Variants in TCEA1 observed in about 807,000 individuals in gnomAD.
TCEA1 encodes transcription elongation factor A protein 1.
In TCEA1, 21 loss-of-function variants were observed where a neutral mutation model predicts 43.8. The ratio of observed to expected loss-of-function variants is 0.48; its 90% CI spans 0.34 to 0.69. The LOEUF is 0.69. Ranked by LOEUF, TCEA1 falls within the 30% of genes least tolerant of loss-of-function variation. The pLI is 0.01. For missense variants in TCEA1, 250 were observed against 365.1 expected (o/e 0.68, Z 2.57); for synonymous variants, 104 against 117.5 (o/e 0.88, Z 0.75).
chr8:53,980,245 T>C (rs1803461741), intron 7 of TCEA1, among the ~76,000 whole-genome samples: 1 of 152,228 alleles, frequency 6.6e-6, no homozygotes, highest in Non-Finnish European at 1.5e-5. Context: ...GAATGCCTGA[T>C]TCCAGTTTTG....
At chr8:53,978,776 T>C (rs1585993190) in intron 8 of TCEA1, 1 of 372,156 alleles carries the variant, frequency 2.7e-6, no homozygotes, top group Non-Finnish European at 4.8e-6. Flanking sequence ...GATTAAGTTA[T>C]TATTGTTAAT....
At position 53,967,255 on chromosome 8, in the gene TCEA1, A is replaced by G. The variant is rs1024316250; in HGVS notation, c.*849T>C. The G allele has an allele frequency of 4.9e-6, 1 of 202,962 alleles. No individual in the cohort carries two copies. 12.6% of individuals were successfully genotyped at this position (202,962 alleles called of 1,614,324 possible). A position where few individuals can be genotyped will look rare whatever the true frequency, so the allele number is the denominator to read the frequency against. On this transcript the variant is annotated 3_prime_UTR_variant, in exon 10 of 10. Coordinates refer to ENST00000521604, the MANE Select transcript of TCEA1 (RefSeq NM_006756.4). The stretch of plus-strand genomic sequence containing the variant: ...TTTACAATAGCTATACTACACTAAG[A>G]TGCTAAACATTTTCTTTCCAGTATG...
In TCEA1 at chr8:53,977,902, TA is replaced by T. The variant is rs1262785672; in HGVS notation, c.825+1122del. Among the ~76,000 whole-genome samples the T allele has an allele frequency of 2.0e-5, 3 of 152,184 alleles. No individual in the cohort carries two copies. In the South Asian group the frequency reaches 6.2e-4, roughly 32 times the overall value. ...GTGGAGGAGCGTGAAGAACTTTCCT[TA>T]AATTATATAGTCCTGCAAAATAAAA... On this transcript the variant is annotated intron_variant, in intron 8 of 9. Transcript: ENST00000521604.
In TCEA1 at chr8:54,011,548, T is replaced by C. The variant is rs189186712; in HGVS notation, c.64-1056A>G. 3.8e-4 allele frequency among the ~76,000 whole-genome samples: 58 copies of C among 152,368 alleles called. No individual in the cohort carries two copies. The Middle Eastern group carries it at 0.01, about 27-fold the overall frequency. On this transcript the variant is annotated intron_variant, in intron 1 of 9. Transcript: ENST00000521604. The stretch of plus-strand genomic sequence containing the variant: ...GTGAAAGAACATTACAATGGCCATC[T>C]GGCCAATGATATGTGTACCTATCCT...
At chr8:53,997,314 A>G (rs1289996869) in intron 3 of TCEA1, among the ~76,000 whole-genome samples, 1 of 152,164 alleles carries the variant, frequency 6.6e-6, no homozygotes, top group Non-Finnish European at 1.5e-5. Flanking sequence ...TTTGAGCAAA[A>G]AATCAATGGA....
intron 7 of TCEA1, among the ~76,000 whole-genome samples, chr8:53,980,067 C>T (rs1268518892): frequency 6.6e-6 from 1 of 152,088 alleles, no homozygotes; most frequent in African/African-American, 2.4e-5. Context: ...ACCGCAATAG[C>T]GCAGTCTCAG....
intron 2 of TCEA1, among the ~76,000 whole-genome samples, chr8:54,006,642 T>A (rs772181532): frequency 3.0e-4 from 45 of 152,306 alleles, no homozygotes; most frequent in Middle Eastern, 3.4e-3. Flanking sequence ...GGGATTACTA[T>A]GTTGTTTTCC....
At chr8:53,996,985 C>T (rs376299099) in intron 3 of TCEA1, among the ~76,000 whole-genome samples, 56 of 149,114 alleles carry the variant, frequency 3.8e-4, no homozygotes, top group African/African-American at 1.2e-3. Context: ...GTGCAAGCTC[C>T]GCCTCCCGGG....
At chr8:54,019,576 A>G (rs944453138) in intron 1 of TCEA1, among the ~76,000 whole-genome samples, 19 of 152,064 alleles carry the variant, frequency 1.2e-4, no homozygotes, top group Non-Finnish European at 2.9e-5. Context: ...TCAAAAAAAA[A>G]AAAAAAAAGT....
intron 4 of TCEA1, among the ~76,000 whole-genome samples, chr8:53,992,288 G>C (rs905981981): frequency 2.6e-5 from 4 of 151,510 alleles, no homozygotes; most frequent in African/African-American, 9.7e-5. Context: ...TTCCAGCCTG[G>C]GTGACAGAGC....
At chr8:53,972,448 G>T in intron 8 of TCEA1, 1 of 518,950 alleles carries the variant, frequency 1.9e-6, no homozygotes, top group Non-Finnish European at 3.8e-6. Context: ...TCAAGTTTTG[G>T]GCATGCATGG....
intron 8 of TCEA1, 55 bp downstream of exon 8, chr8:53,978,970 A>G: frequency 6.5e-7 from 1 of 1,527,376 alleles, no homozygotes; most frequent in African/African-American, 1.4e-5. Flanking sequence ...TTATTTTAAA[A>G]CAGGAGTTGC....
At position 53,968,095 on chromosome 8, in the gene TCEA1, T is replaced by G; in HGVS notation, c.*9A>C. The G allele has an allele frequency of 6.5e-7, 1 of 1,526,958 alleles. No individual in the cohort carries two copies. The highest frequency in any genetic ancestry group is 1.3e-5 in the South Asian group (1 of 79,996). The allele number at this position is 1,526,958 out of a possible 1,614,324, so 94.6% of individuals were successfully genotyped here. Reference sequence around the variant, plus strand: ...TTAATGGTCCAGATATTTTGCCAATTCTTCCAACTCAACAGAACTGTCAAA... The same window carrying G: ...TTAATGGTCCAGATATTTTGCCAATGCTTCCAACTCAACAGAACTGTCAAA... On this transcript the variant is annotated 3_prime_UTR_variant, in exon 10 of 10. Coordinates refer to ENST00000521604, the MANE Select transcript of TCEA1 (RefSeq NM_006756.4).
At chr8:54,003,882 CTA>C (rs1483351467) in intron 2 of TCEA1, among the ~76,000 whole-genome samples, 1 of 151,000 alleles carries the variant, frequency 6.6e-6, no homozygotes, top group Non-Finnish European at 1.5e-5. Flanking sequence ...TTTGCAAACT[CTA>C]TGTCTGATAA....
Position 53,977,749 on chromosome 8 carries a change from A to AT in TCEA1, c.825+1275dup, listed in dbSNP as rs371605128. Among the ~76,000 whole-genome samples the AT allele has an allele frequency of 3.9e-3, 599 of 152,178 alleles. 8 individuals are homozygous for AT. Among genetic ancestry groups the AT allele is most frequent in the Middle Eastern group, 3.4e-3 (1 of 294 alleles). On this transcript the variant is annotated intron_variant, in intron 8 of 9. Coordinates refer to ENST00000521604, the MANE Select transcript of TCEA1 (RefSeq NM_006756.4). ...ATATGCACATGCAACCAAAATAACTATAACACGGTTTTCAGCTGTTAAAGA... is the reference window on the plus strand; with the variant it reads ...ATATGCACATGCAACCAAAATAACTATTAACACGGTTTTCAGCTGTTAAAGA...
chr8:54,012,853 G>C (rs1191077843), intron 1 of TCEA1, among the ~76,000 whole-genome samples: 1 of 151,302 alleles, frequency 6.6e-6, no homozygotes, highest in Non-Finnish European at 1.5e-5. Flanking sequence ...AGGACTGCTC[G>C]AGCCCAGAAG....
At chr8:53,973,147 A>ATTTCCC (rs1803216572) in intron 8 of TCEA1, 2 of 562,742 alleles carry the variant, frequency 3.6e-6, no homozygotes, top group East Asian at 7.5e-5. Context: ...GTCAATGTAG[A>ATTTCCC]AGAAGATGGG....
Sources: gnomAD v4.1 joint callset for allele counts (sites outside exome capture counted in the v4.1 genomes callset) on GRCh38, gnomAD v4.1.1 for gene constraint, MANE v1.5 for transcripts, NCBI Gene and HGNC (gene_info 2026-07-23, HGNC 2026-07-21) for gene names.